The following PLAC1 variants were observed in gnomAD, a reference collection of about 807,000 sequenced individuals.
The protein encoded by PLAC1 is placenta associated 1, also known as placenta-specific protein 1.
For synonymous variants in PLAC1, 68 were observed against 62.1 expected (o/e 1.09, Z -0.44); for missense variants, 136 against 163.2 (o/e 0.83, Z 0.91).
chrX:134,630,259 C>G (rs1397068962), intron 1 of PLAC1, among the ~76,000 whole-genome samples: 1 of 112,071 alleles, frequency 8.9e-6, no homozygotes, highest in Non-Finnish European at 1.9e-5. Context: ...GCGTGAGCCA[C>G]CACGCCTGGC....
chrX:134,704,501 A>AG (rs1364567448), intron 2 of PLAC1, among the ~76,000 whole-genome samples: 2 of 105,466 alleles, frequency 1.9e-5, no homozygotes, highest in East Asian at 2.9e-4. Flanking sequence ...TCAAAAAAAA[A>AG]AAAACAAAAT....
intron 1 of PLAC1, among the ~76,000 whole-genome samples, chrX:134,609,315 A>G (rs1266971245): frequency 1.8e-5 from 2 of 111,374 alleles, no homozygotes; most frequent in African/African-American, 6.5e-5. Flanking sequence ...TGGAAATAAC[A>G]TCACTATTTA....
At chrX:134,762,821 C>CAAAAAAAAAAAAAAAAAAAA (rs60721487) in intron 1 of PLAC1, among the ~76,000 whole-genome samples, 6 of 14,820 alleles carry the variant, frequency 4.0e-4, no homozygotes, top group Non-Finnish European at 1.0e-3. Context: ...GGCTCTATCT[C>CAAAAAAAAAAAAAAAAAAAA]AAAAAAAAAA....
rs201860917 is a variant in PLAC1 at position 134,758,165 on chromosome X, GA to G, written n.89+6068del. On this transcript the variant is annotated intron_variant and non_coding_transcript_variant, in intron 1 of 2. Coordinates refer to the PLAC1 transcript ENST00000466797. ...AAATTGAAGATGACATAGACAAATG[GA>G]AAAAAAAAACCCATGCTCATGGGTT... 0.01 allele frequency among the ~76,000 whole-genome samples: 1,089 copies of G among 103,792 alleles called. 62 individuals carry two copies. The East Asian group carries it at 0.22, about 21-fold the overall frequency. 90.1% of individuals were successfully genotyped at this position (103,792 alleles called of 115,157 possible). A position where few individuals can be genotyped will look rare whatever the true frequency, so the allele number is the denominator to read the frequency against.
At position 134,684,938 on chromosome X, in the gene PLAC1, T is replaced by C. The variant is rs73224756; in HGVS notation, n.174+48497A>G. Among the ~76,000 whole-genome samples the C allele has an allele frequency of 3.7e-3, 422 of 112,589 alleles. 3 individuals carry two copies. The highest frequency in any genetic ancestry group is 6.4e-3 in the Non-Finnish European group (340 of 53,301). On this transcript the variant is annotated intron_variant and non_coding_transcript_variant, in intron 2 of 2. Coordinates refer to the PLAC1 transcript ENST00000466797. Reference sequence around the variant, plus strand: ...ACAAGGTTATCCCTGACTTGGACTATGCAGAAGAAAGACAGTCTTATCCCG... The same window carrying C: ...ACAAGGTTATCCCTGACTTGGACTACGCAGAAGAAAGACAGTCTTATCCCG...
intron 1 of PLAC1, among the ~76,000 whole-genome samples, chrX:134,653,413 A>C (rs1448678926): frequency 8.9e-6 from 1 of 112,419 alleles, no homozygotes; most frequent in African/African-American, 3.2e-5. Flanking sequence ...TTTACCTCTG[A>C]GACACTTTGA....
chrX:134,745,083 C>T (rs1278011733), intron 1 of PLAC1, among the ~76,000 whole-genome samples: 1 of 111,310 alleles, frequency 9.0e-6, no homozygotes, highest in Non-Finnish European at 1.9e-5. Context: ...GCTTCAGGGC[C>T]AACATAATTC....
At chrX:134,733,337 TG>T (rs1321007172) in intron 2 of PLAC1, 1 of 110,120 alleles carries the variant, frequency 9.1e-6, no homozygotes, top group Non-Finnish European at 1.9e-5. Context: ...GTTGGCCTTA[TG>T]GGTGTGGTGG....
At chrX:134,585,238 C>T (rs372159132) in intron 2 of PLAC1, among the ~76,000 whole-genome samples, 36 of 104,823 alleles carry the variant, frequency 3.4e-4, no homozygotes, top group East Asian at 9.1e-4. Flanking sequence ...CCCAGCTACT[C>T]GGGAGGCTGA....
intron 2 of PLAC1, among the ~76,000 whole-genome samples, chrX:134,730,734 C>T (rs948867566): frequency 9.0e-6 from 1 of 111,715 alleles, no homozygotes; most frequent in African/African-American, 3.3e-5. Context: ...TAAGCATAAG[C>T]CACGGTGCCT....
chrX:134,676,987 T>C (rs938211634), intron 2 of PLAC1, among the ~76,000 whole-genome samples: 17 of 112,621 alleles, frequency 1.5e-4, no homozygotes, highest in African/African-American at 5.2e-4. Flanking sequence ...AATGAGTTAA[T>C]ATATGTAAAA....
At chrX:134,694,378 A>C (rs1450027995) in intron 2 of PLAC1, among the ~76,000 whole-genome samples, 3 of 111,968 alleles carry the variant, frequency 2.7e-5, no homozygotes, top group Non-Finnish European at 5.6e-5. Context: ...ACCTGTTGGC[A>C]TCCTCTGTGC....
In PLAC1 at chrX:134,720,428, G is replaced by C. The variant is rs1164436441; in HGVS notation, n.174+13007C>G. The stretch of plus-strand genomic sequence containing the variant: ...GCAGTACTCCCCCAATTGTTCTACG[G>C]ATTCAGTGTAATCTCTAATAAAATC... On this transcript the variant is annotated intron_variant and non_coding_transcript_variant, in intron 2 of 2. Coordinates refer to the PLAC1 transcript ENST00000466797. Among the ~76,000 whole-genome samples, 11 of 109,587 alleles carry C rather than the reference G, an allele frequency of 1.0e-4. 1 individual carries two copies.
intron 1 of PLAC1, among the ~76,000 whole-genome samples, chrX:134,747,798 C>T (rs2078732377): frequency 8.9e-6 from 1 of 111,933 alleles, no homozygotes; most frequent in African/African-American, 3.2e-5. Context: ...ACCATAAAAT[C>T]ATAGAATATT....
chrX:134,690,741 G>A (rs1304683845), intron 2 of PLAC1, among the ~76,000 whole-genome samples: 1 of 106,006 alleles, frequency 9.4e-6, no homozygotes, highest in Non-Finnish European at 1.9e-5. Flanking sequence ...AAACCATCCT[G>A]GCTAACATGG....
chrX:134,753,418 C>T (rs988250848), intron 1 of PLAC1, among the ~76,000 whole-genome samples: 2 of 110,978 alleles, frequency 1.8e-5, no homozygotes, highest in Non-Finnish European at 3.8e-5. Context: ...GAGCTGGAAT[C>T]ATCAGTTTTA....
chrX:134,756,093 C>T (rs1202870838), intron 1 of PLAC1, among the ~76,000 whole-genome samples: 31 of 109,647 alleles, frequency 2.8e-4, no homozygotes, highest in Non-Finnish European at 2.7e-4. Context: ...CCTCGAGATC[C>T]GCCCGCCTTG....
intron 2 of PLAC1, among the ~76,000 whole-genome samples, chrX:134,590,088 G>A (rs2078029774): frequency 9.1e-6 from 1 of 109,963 alleles, no homozygotes; most frequent in Non-Finnish European, 1.9e-5. Context: ...CCAGCTACTT[G>A]GGAGGCTGAG....
intron 2 of PLAC1, among the ~76,000 whole-genome samples, chrX:134,567,650 CG>C (rs991202972): frequency 9.3e-6 from 1 of 107,581 alleles, no homozygotes; most frequent in Non-Finnish European, 1.9e-5. Flanking sequence ...ATGAGCTACT[CG>C]GGAGGCTGAG....
Sources: gnomAD v4.1 joint callset for allele counts (sites outside exome capture counted in the v4.1 genomes callset) on GRCh38, gnomAD v4.1.1 for gene constraint, MANE v1.5 for transcripts, NCBI Gene and HGNC (gene_info 2026-07-23, HGNC 2026-07-21) for gene names.